The following DENND1B variants were observed in gnomAD, a reference collection of about 807,000 sequenced individuals.
DENND1B encodes the protein DENN domain containing 1B.
In DENND1B, 59 loss-of-function variants were observed where a neutral mutation model predicts 90.1. That is an observed-to-expected ratio of 0.65 (90% CI 0.53 to 0.81). The LOEUF (loss-of-function observed/expected upper bound fraction) is 0.81. Ranked by LOEUF, DENND1B falls within the 40% of genes least tolerant of loss-of-function variation. The pLI is 0.00. For synonymous variants in DENND1B, 337 were observed against 324.6 expected, an observed-to-expected ratio of 1.04 and a Z score of -0.41; for missense variants, 862 against 912.6, an observed-to-expected ratio of 0.94 and a Z score of 0.71.
chr1:197,575,261 A>G (rs1673565199), intron 15 of DENND1B, among the ~76,000 whole-genome samples: 1 of 152,122 alleles, frequency 6.6e-6, no homozygotes, highest in Non-Finnish European at 1.5e-5. Flanking sequence ...AAAACCATTA[A>G]AAAGTGGGAA....
At chr1:197,538,443 A>G (rs1023466316) in intron 20 of DENND1B, among the ~76,000 whole-genome samples, 1 of 152,174 alleles carries the variant, frequency 6.6e-6, no homozygotes, top group African/African-American at 2.4e-5. Context: ...TTATTTTAGA[A>G]CAGACAATCA....
chr1:197,590,522 C>A (rs957099473), intron 14 of DENND1B, among the ~76,000 whole-genome samples: 1 of 152,042 alleles, frequency 6.6e-6, no homozygotes, highest in African/African-American at 2.4e-5. Flanking sequence ...ATATTTTTCT[C>A]TGTAATTAAG....
intron 20 of DENND1B, among the ~76,000 whole-genome samples, chr1:197,529,033 T>C (rs1669359904): frequency 6.6e-6 from 1 of 151,604 alleles, no homozygotes; most frequent in Non-Finnish European, 1.5e-5. Flanking sequence ...AACACTTTAT[T>C]TGGGTAACAT....
chr1:197,746,402 A>T (rs1477911011), intron 2 of DENND1B, among the ~76,000 whole-genome samples: 1 of 152,204 alleles, frequency 6.6e-6, no homozygotes, highest in Non-Finnish European at 1.5e-5. Flanking sequence ...AAAAGAAAGA[A>T]AGAAAGTATG....
chr1:197,573,002 T>G (rs957885997), intron 15 of DENND1B, among the ~76,000 whole-genome samples: 4 of 152,228 alleles, frequency 2.6e-5, no homozygotes, highest in Non-Finnish European at 5.9e-5. Context: ...TTATCATTTT[T>G]TATTGCGTCT....
At chr1:197,701,749 A>C (rs1055832996) in intron 3 of DENND1B, among the ~76,000 whole-genome samples, 4 of 152,172 alleles carry the variant, frequency 2.6e-5, no homozygotes, top group Non-Finnish European at 5.9e-5. Flanking sequence ...GTAATTTTAA[A>C]TTCTTAAGAC....
At chr1:197,608,483 T>C (rs994057834) in intron 12 of DENND1B, among the ~76,000 whole-genome samples, 4 of 150,636 alleles carry the variant, frequency 2.7e-5, no homozygotes, top group African/African-American at 9.7e-5. Flanking sequence ...TAAATACATA[T>C]ATGTGTAGTT....
At chr1:197,647,947 C>CAAA (rs5779884) in intron 7 of DENND1B, among the ~76,000 whole-genome samples, 1 of 78,656 alleles carries the variant, frequency 1.3e-5, no homozygotes, top group East Asian at 4.2e-4. Context: ...AACTCCACTT[C>CAAA]AAAAAAAAAA....
intron 4 of DENND1B, 51 bp from the exon 5 acceptor site, chr1:197,672,207 T>A: frequency 6.5e-7 from 1 of 1,536,932 alleles, no homozygotes; most frequent in Non-Finnish European, 8.8e-7. Context: ...ACAATTTTCT[T>A]CAAGAAAAAC....
chr1:197,614,447 C>A (rs1423673449), intron 11 of DENND1B, among the ~76,000 whole-genome samples: 1 of 150,948 alleles, frequency 6.6e-6, no homozygotes, highest in Non-Finnish European at 1.5e-5. Flanking sequence ...CTTTGCAAAC[C>A]TAGCCTTAAA....
chr1:197,516,606 A>G (rs1457043756), intron 20 of DENND1B, among the ~76,000 whole-genome samples: 7 of 151,798 alleles, frequency 4.6e-5, no homozygotes, highest in Admixed American at 3.9e-4. Flanking sequence ...TGTTCGGAAC[A>G]TAACAACACA....
chr1:197,570,838 A>T (rs1673084789), intron 15 of DENND1B, among the ~76,000 whole-genome samples: 2 of 152,144 alleles, frequency 1.3e-5, no homozygotes, highest in African/African-American at 4.8e-5. Context: ...ATTTGACTGA[A>T]ATTTATTTAG....
intron 7 of DENND1B, among the ~76,000 whole-genome samples, chr1:197,650,803 G>A (rs1653062345): frequency 6.6e-6 from 1 of 152,148 alleles, no homozygotes; most frequent in African/African-American, 2.4e-5. Context: ...ACTGATATGC[G>A]GGAGCTAAGC....
At chr1:197,568,214 A>G (rs1672855193) in intron 15 of DENND1B, among the ~76,000 whole-genome samples, 2 of 152,178 alleles carry the variant, frequency 1.3e-5, no homozygotes, top group Admixed American at 6.6e-5. Context: ...TACATTAATA[A>G]CTATCCAAAA....
intron 15 of DENND1B, among the ~76,000 whole-genome samples, chr1:197,581,187 T>C (rs1674204030): frequency 6.6e-6 from 1 of 152,212 alleles, no homozygotes; most frequent in Non-Finnish European, 1.5e-5. Context: ...TTTTACCAAT[T>C]GACTCTTCTT....
In DENND1B at chr1:197,652,222, AT is replaced by A; in HGVS notation, c.447+12del. 1 of 1,607,356 alleles carries A rather than the reference AT, an allele frequency of 6.2e-7. No individual in the cohort carries two copies. The highest frequency in any genetic ancestry group is 1.1e-5 in the South Asian group (1 of 90,148). ...CTATGACTCCCAAAAACAATTACTGATTGAATACTTACCACACTCAAATTTA... is the reference window on the plus strand; with the variant it reads ...CTATGACTCCCAAAAACAATTACTGATGAATACTTACCACACTCAAATTTA... On this transcript the variant is annotated intron_variant, in intron 7 of 22. Coordinates refer to ENST00000620048, the MANE Select transcript of DENND1B (RefSeq NM_001195215.2).
At chr1:197,733,764 T>C (rs1662371399) in intron 2 of DENND1B, among the ~76,000 whole-genome samples, 1 of 152,220 alleles carries the variant, frequency 6.6e-6, no homozygotes, top group Admixed American at 6.5e-5. Context: ...GAGAACCTGA[T>C]GAAGATGTTA....
intron 20 of DENND1B, among the ~76,000 whole-genome samples, chr1:197,514,367 G>A (rs1582409): frequency 0.95 from 144,510 of 151,602 alleles, 69,243 homozygotes; most frequent in South Asian, 1. Context: ...GGCAAGTCAT[G>A]AGGGTCTTTT....
At chr1:197,555,049 C>T (rs548066234) in intron 15 of DENND1B, among the ~76,000 whole-genome samples, 1 of 151,962 alleles carries the variant, frequency 6.6e-6, no homozygotes, top group Non-Finnish European at 1.5e-5. Flanking sequence ...ACCAACTGAT[C>T]TTTAACAAAA....
Sources: gnomAD v4.1 joint callset for allele counts (sites outside exome capture counted in the v4.1 genomes callset) on GRCh38, gnomAD v4.1.1 for gene constraint, MANE v1.5 for transcripts, NCBI Gene and HGNC (gene_info 2026-07-23, HGNC 2026-07-21) for gene names.